The following PPFIBP2 variants were observed in gnomAD, a reference collection of about 807,000 sequenced individuals.
PPFIBP2 encodes PPFIB scaffold protein 2, also known as liprin-beta-2.
PPFIBP2 carries 118 observed loss-of-function variants against 118.3 expected under a neutral mutation model. That is an observed-to-expected ratio of 1.00 (90% confidence interval 0.86 to 1.16). The LOEUF (loss-of-function observed/expected upper bound fraction) is 1.16. PPFIBP2 is among the 50% of genes most tolerant of loss of function. The pLI is 0.00. For synonymous variants in PPFIBP2, 414 were observed against 397.4 expected, an observed-to-expected ratio of 1.04 and a Z score of -0.50; for missense variants, 1,195 against 1,073.1, an observed-to-expected ratio of 1.11 and a Z score of -1.59.
chr11:7,616,894 G>C lies in PPFIBP2; in HGVS notation c.619-4041G>C, dbSNP rs185719877. Among the ~76,000 whole-genome samples, 1 of 151,942 alleles carries C rather than the reference G, an allele frequency of 6.6e-6. No homozygotes were observed. Among genetic ancestry groups the C allele is most frequent in the South Asian group, 2.1e-4 (1 of 4,816 alleles). ...CAAAGGAGCTGTTGGGGATTTGTTC[G>C]AACTGCAAGACAGGCATCTGGATGG... On this transcript the variant is annotated intron_variant, in intron 6 of 23. Transcript: ENST00000299492. The surrounding 1 kb of genome is among the most constrained non-coding windows in gnomAD (Gnocchi z 5.2).
At chr11:7,646,864 AT>A (rs200304013) in intron 17 of PPFIBP2, among the ~76,000 whole-genome samples, 1 of 151,298 alleles carries the variant, frequency 6.6e-6, no homozygotes, top group South Asian at 2.1e-4. Flanking sequence ...AGATTTTGTG[AT>A]TTTTTTTTCA....
chr11:7,591,101 T>G (rs544769458), intron 3 of PPFIBP2, among the ~76,000 whole-genome samples: 85 of 133,002 alleles, frequency 6.4e-4, no homozygotes, highest in African/African-American at 2.3e-3. Context: ...GATTTCAACT[T>G]TCTTACTCTT....
chr11:7,663,654 C>T, the PPFIBP2 span, among the ~76,000 whole-genome samples: 2 of 152,248 alleles, frequency 1.3e-5, no homozygotes, highest in Non-Finnish European at 2.9e-5. Flanking sequence ...GGCAGGCCTC[C>T]TTGAGCTGTG....
chr11:7,519,046 G>C (rs1347516524), intron 1 of PPFIBP2, among the ~76,000 whole-genome samples: 1 of 152,208 alleles, frequency 6.6e-6, no homozygotes, highest in Non-Finnish European at 1.5e-5. Flanking sequence ...GGCAGTGCTA[G>C]AGTTGTCCTC....
intron 1 of PPFIBP2, among the ~76,000 whole-genome samples, chr11:7,542,215 C>G (rs1564954068): frequency 6.6e-6 from 1 of 152,162 alleles, no homozygotes; most frequent in Non-Finnish European, 1.5e-5. Flanking sequence ...TCATCTGTAA[C>G]AGGGGGAGAA....
chr11:7,665,702 G>T, the PPFIBP2 span: 2 of 1,153,202 alleles, frequency 1.7e-6, no homozygotes, highest in Non-Finnish European at 2.4e-6. Context: ...AAAAGCCTCA[G>T]AACTAGTAAA....
rs1335698786 is a variant in PPFIBP2 at position 7,651,306 on chromosome 11, G to A, written c.2247+341G>A. The A allele has an allele frequency of 4.4e-5, 15 of 338,656 alleles. No homozygotes were observed. The East Asian group carries it at 7.7e-4, about 17-fold the overall frequency. 21.0% of individuals were successfully genotyped at this position (338,656 alleles called of 1,614,324 possible). ...ATGCAGCTTCCCACTTGCTGCAATA[G>A]GATCCCTATCACTACTCAGATCTGT... On this transcript the variant is annotated intron_variant, in intron 22 of 23. Transcript: ENST00000299492.
At chr11:7,536,188 C>T (rs1042448281) in intron 1 of PPFIBP2, among the ~76,000 whole-genome samples, 3 of 152,160 alleles carry the variant, frequency 2.0e-5, no homozygotes, top group African/African-American at 4.8e-5. Context: ...GGGCTGTCAC[C>T]GAGGCAGTCC....
At chr11:7,653,948 G>A (rs925145193), downstream of PPFIBP2, among the ~76,000 whole-genome samples, 2 of 152,132 alleles carry the variant, frequency 1.3e-5, no homozygotes, top group Non-Finnish European at 2.9e-5. Flanking sequence ...GAGGAGGTCC[G>A]TGGCCGCACT....
chr11:7,516,137 G>A (rs76004202), intron 1 of PPFIBP2, among the ~76,000 whole-genome samples: 6,210 of 152,270 alleles, frequency 0.041, 443 homozygotes, highest in African/African-American at 0.14. Context: ...GTTCCCCCAG[G>A]TGATTCTGTT....
At chr11:7,577,322 T>TGTGTGTGTGC (rs1554958713) in intron 3 of PPFIBP2, 8 of 193,938 alleles carry the variant, frequency 4.1e-5, no homozygotes, top group African/African-American at 1.7e-4. Context: ...TGTATGTGCG[T>TGTGTGTGTGC]GTGTGTGTGT....
At chr11:7,640,629 C>T (rs947678940) in intron 15 of PPFIBP2, among the ~76,000 whole-genome samples, 1 of 152,184 alleles carries the variant, frequency 6.6e-6, no homozygotes, top group African/African-American at 2.4e-5. Flanking sequence ...TTCAGATAAA[C>T]CCTTGAATGA....
intron 15 of PPFIBP2, chr11:7,640,927 A>G (rs1162599556): frequency 1.1e-6 from 1 of 937,346 alleles, no homozygotes; most frequent in East Asian, 6.2e-5. Flanking sequence ...CTCTTGCTCG[A>G]TGACACTCTT....
intron 2 of PPFIBP2, among the ~76,000 whole-genome samples, chr11:7,557,248 A>AT (rs35265627): frequency 8.9e-4 from 132 of 148,634 alleles, no homozygotes; most frequent in South Asian, 2.1e-3. Flanking sequence ...TTTGGTTTGT[A>AT]TTTTTTTTTT....
chr11:7,570,024 T>C (rs1007456357), intron 3 of PPFIBP2, among the ~76,000 whole-genome samples: 4 of 152,206 alleles, frequency 2.6e-5, no homozygotes, highest in Admixed American at 6.5e-5. Flanking sequence ...CCCTGGCATG[T>C]GGTACCTGGC....
At chr11:7,666,573 A>G in the PPFIBP2 span, 3 of 1,579,046 alleles carry the variant, frequency 1.9e-6, no homozygotes, top group Non-Finnish European at 1.7e-6. Flanking sequence ...CAACACTGAA[A>G]AAGCCCCTCC....
At chr11:7,563,970 C>A (rs1234901420) in intron 2 of PPFIBP2, among the ~76,000 whole-genome samples, 1 of 152,172 alleles carries the variant, frequency 6.6e-6, no homozygotes, top group East Asian at 1.9e-4. Context: ...TTGAGACCAT[C>A]CTGGCTAACA....
intron 3 of PPFIBP2, among the ~76,000 whole-genome samples, chr11:7,586,848 G>A (rs779018159): frequency 9.8e-4 from 149 of 152,266 alleles, no homozygotes; most frequent in Non-Finnish European, 1.6e-3. Flanking sequence ...GCCTCCCAGC[G>A]CCCAGACCTG....
chr11:7,641,746 C>A, intron 16 of PPFIBP2, 126 bp downstream of exon 16: 1 of 973,112 alleles, frequency 1.0e-6, no homozygotes, highest in Non-Finnish European at 1.5e-6. Context: ...TGTTCATGTT[C>A]AAAGAGAAGA....
Sources: gnomAD v4.1 joint callset for allele counts (sites outside exome capture counted in the v4.1 genomes callset) on GRCh38, gnomAD v4.1.1 for gene constraint, Gnocchi (gnomAD v3.1) non-coding constraint, MANE v1.5 for transcripts, NCBI Gene and HGNC (gene_info 2026-07-23, HGNC 2026-07-21) for gene names.